The following SH3GL3 variants were observed in gnomAD, a reference collection of about 807,000 sequenced individuals.
SH3GL3 encodes SH3 domain containing GRB2 like 3, endophilin A3.
A neutral mutation model predicts 47.7 loss-of-function variants in SH3GL3; 33 were observed. The observed-to-expected ratio is 0.69, with a 90% CI of 0.52 to 0.92. The LOEUF is 0.92. SH3GL3 is among the 40% of genes least tolerant of loss of function. The pLI is 0.00. For synonymous variants in SH3GL3, 155 were observed against 148.8 expected, an observed-to-expected ratio of 1.04 and a Z score of -0.30; for missense variants, 363 against 417.8, an observed-to-expected ratio of 0.87 and a Z score of 1.14.
intron 1 of SH3GL3, among the ~76,000 whole-genome samples, chr15:83,465,121 C>T (rs1225530796): frequency 6.6e-6 from 1 of 151,406 alleles, no homozygotes; most frequent in Non-Finnish European, 1.5e-5. Flanking sequence ...ACCAGCCTGG[C>T]CAACGTGGTG....
chr15:83,487,551 C>CT (rs996897750), intron 1 of SH3GL3, among the ~76,000 whole-genome samples: 7 of 151,842 alleles, frequency 4.6e-5, no homozygotes, highest in Non-Finnish European at 1.0e-4. Flanking sequence ...TGTTTTTGCT[C>CT]TTTTTTTTGA....
At chr15:83,451,019 T>C (rs1335318053) in intron 1 of SH3GL3, among the ~76,000 whole-genome samples, 6 of 125,002 alleles carry the variant, frequency 4.8e-5, no homozygotes, top group African/African-American at 1.8e-4. Flanking sequence ...TGTGATCTCA[T>C]TGTTCAATTC....
intron 1 of SH3GL3, among the ~76,000 whole-genome samples, chr15:83,473,679 CTGGGACGACAGGCACCCGCCACCACGT>C (rs2040949838): frequency 2.0e-5 from 3 of 151,772 alleles, no homozygotes; most frequent in Non-Finnish European, 4.4e-5. Flanking sequence ...TCCCGAGTAG[CTGGGACGACAGGCACCCGCCACCACGT>C]CCGGCTAATT....
chr15:83,626,337 C>T, the SH3GL3 span, among the ~76,000 whole-genome samples: 2 of 152,204 alleles, frequency 1.3e-5, no homozygotes, highest in African/African-American at 4.8e-5. Context: ...TTCCTCTCCT[C>T]TTCTTCTCTA....
intron 1 of SH3GL3, among the ~76,000 whole-genome samples, chr15:83,514,599 A>G (rs2042905147): frequency 6.6e-6 from 1 of 152,226 alleles, no homozygotes; most frequent in South Asian, 2.1e-4. Context: ...TTTGAAAAGC[A>G]AAAGCAAATT....
chr15:83,505,343 G>A (rs1329339595), intron 1 of SH3GL3, among the ~76,000 whole-genome samples: 6 of 151,792 alleles, frequency 4.0e-5, no homozygotes, highest in African/African-American at 1.5e-4. Context: ...ACTCCAATCT[G>A]CAGGACGTGA....
At chr15:83,497,551 C>T (rs2042130620) in intron 1 of SH3GL3, among the ~76,000 whole-genome samples, 1 of 152,152 alleles carries the variant, frequency 6.6e-6, no homozygotes. Context: ...TTTGTTCAGT[C>T]CCCTAAGGTC....
chr15:83,564,285 T>C (rs939667941), intron 2 of SH3GL3, among the ~76,000 whole-genome samples: 23 of 152,208 alleles, frequency 1.5e-4, no homozygotes, highest in Admixed American at 6.5e-5. Context: ...GAATGAATTT[T>C]GCATGTTAAT....
At chr15:83,546,729 G>A (rs2044419183) in intron 1 of SH3GL3, among the ~76,000 whole-genome samples, 2 of 152,078 alleles carry the variant, frequency 1.3e-5, no homozygotes, top group African/African-American at 4.8e-5. Context: ...GCCCAGGGGT[G>A]TTTATTCAAG....
chr15:83,541,275 T>C (rs1034128077), intron 1 of SH3GL3, among the ~76,000 whole-genome samples: 2 of 151,260 alleles, frequency 1.3e-5, no homozygotes, highest in South Asian at 2.1e-4. Flanking sequence ...CTGTCTTCTT[T>C]CCTAGCAGTG....
chr15:83,625,781 T>C, the SH3GL3 span, among the ~76,000 whole-genome samples: 1 of 152,224 alleles, frequency 6.6e-6, no homozygotes, highest in South Asian at 2.1e-4. Context: ...GTATTTTTCT[T>C]AAATTTTAAA....
At chr15:83,562,703 C>G (rs548182508) in intron 2 of SH3GL3, among the ~76,000 whole-genome samples, 1 of 152,226 alleles carries the variant, frequency 6.6e-6, no homozygotes, top group African/African-American at 2.4e-5. Context: ...AGCAAATTCC[C>G]TTAGACATTT....
At chr15:83,610,718 C>T (rs1199769988) in intron 8 of SH3GL3, among the ~76,000 whole-genome samples, 1 of 152,046 alleles carries the variant, frequency 6.6e-6, no homozygotes, top group East Asian at 1.9e-4. Flanking sequence ...ATTTCTCCAT[C>T]CCTCACATTG....
At chr15:83,526,435 T>C (rs947832206) in intron 1 of SH3GL3, among the ~76,000 whole-genome samples, 16 of 152,088 alleles carry the variant, frequency 1.1e-4, no homozygotes, top group Admixed American at 3.3e-4. Context: ...CAGTGCTAGA[T>C]TGAATAAAGA....
rs144532990 is a variant in SH3GL3, at chr15:83,479,613, C to T, written c.45+32035C>T. Among the ~76,000 whole-genome samples the T allele has an allele frequency of 4.6e-3, 707 of 152,278 alleles. 2 individuals carry two copies. The highest frequency in any genetic ancestry group is 6.5e-3 in the Non-Finnish European group (444 of 68,018). Reference sequence around the variant, plus strand: ...CATTGGCTGAGGACTGTTTCTGGGACGTTAAGTCCCTGGCACTTCCAATTT... The same window carrying T: ...CATTGGCTGAGGACTGTTTCTGGGATGTTAAGTCCCTGGCACTTCCAATTT... On this transcript the variant is annotated intron_variant, in intron 1 of 8. Coordinates refer to ENST00000427482, the MANE Select transcript of SH3GL3 (RefSeq NM_003027.5).
chr15:83,567,146 A>C (rs944351632), intron 3 of SH3GL3, among the ~76,000 whole-genome samples: 2 of 152,146 alleles, frequency 1.3e-5, no homozygotes, highest in African/African-American at 2.4e-5. Flanking sequence ...ACATTTTCCC[A>C]TAGCTATCTC....
intron 8 of SH3GL3, among the ~76,000 whole-genome samples, chr15:83,598,869 T>G (rs1032371318): frequency 1.3e-5 from 2 of 152,258 alleles, no homozygotes; most frequent in African/African-American, 2.4e-5. Flanking sequence ...GTAATTATTT[T>G]CATGCTTACA....
At chr15:83,620,295 A>G (rs2060910677), downstream of SH3GL3, among the ~76,000 whole-genome samples, 1 of 152,220 alleles carries the variant, frequency 6.6e-6, no homozygotes. Context: ...ATGTTCTTAA[A>G]GGCATCTAGA....
At chr15:83,506,723 AT>A (rs2042520555) in intron 1 of SH3GL3, among the ~76,000 whole-genome samples, 1 of 152,068 alleles carries the variant, frequency 6.6e-6, no homozygotes, top group Non-Finnish European at 1.5e-5. Context: ...TGTAGGTTTC[AT>A]TTCAATAGAG....
Sources: gnomAD v4.1 joint callset for allele counts (sites outside exome capture counted in the v4.1 genomes callset) on GRCh38, gnomAD v4.1.1 for gene constraint, MANE v1.5 for transcripts, NCBI Gene and HGNC (gene_info 2026-07-23, HGNC 2026-07-21) for gene names.